The following NUMB variants were observed in gnomAD, a reference collection of about 807,000 sequenced individuals.
NUMB encodes the protein protein numb homolog.
In NUMB, 29 loss-of-function variants were observed where a neutral mutation model predicts 59.7. The ratio of observed to expected loss-of-function variants is 0.49; its 90% CI spans 0.36 to 0.66. The LOEUF is 0.66. Among genes scored for constraint, NUMB ranks in the 30% least tolerant of loss-of-function variants. NUMB has a pLI of 0.00. For synonymous variants in NUMB, 288 were observed against 288.2 expected (o/e 1.00, Z 0.01); for missense variants, 723 against 822.0 (o/e 0.88, Z 1.47).
chr14:73,350,822 C>G (rs1893210590), intron 4 of NUMB, among the ~76,000 whole-genome samples: 1 of 152,094 alleles, frequency 6.6e-6, no homozygotes, highest in Non-Finnish European at 1.5e-5. Context: ...AGCCACCATG[C>G]ACAGCCTAAC....
intron 1 of NUMB, among the ~76,000 whole-genome samples, chr14:73,438,662 A>G (rs902959496): frequency 1.2e-4 from 18 of 151,722 alleles, no homozygotes; most frequent in Non-Finnish European, 1.9e-4. Context: ...GTTTTCAAAT[A>G]ATTGTAATAA....
chr14:73,387,540 C>CG (rs2140091203), intron 2 of NUMB, among the ~76,000 whole-genome samples: 1 of 152,070 alleles, frequency 6.6e-6, no homozygotes, highest in African/African-American at 2.4e-5. Context: ...ATATGAAGGA[C>CG]GTGTTTGCTT....
chr14:73,342,850 C>T (rs1270023206), intron 4 of NUMB, among the ~76,000 whole-genome samples: 1 of 152,056 alleles, frequency 6.6e-6, no homozygotes, highest in African/African-American at 2.4e-5. Flanking sequence ...AAAGTGTATG[C>T]TTTGTTTGCT....
At chr14:73,389,399 T>C (rs868070017) in intron 2 of NUMB, among the ~76,000 whole-genome samples, 1 of 151,666 alleles carries the variant, frequency 6.6e-6, no homozygotes, top group African/African-American at 2.4e-5. Flanking sequence ...GTGGCACCAC[T>C]GCAATCTTTG....
intron 1 of NUMB, among the ~76,000 whole-genome samples, chr14:73,452,576 T>C (rs1445396270): frequency 6.6e-6 from 1 of 152,086 alleles, no homozygotes; most frequent in Non-Finnish European, 1.5e-5. Flanking sequence ...AGGGTTTTCG[T>C]GGGTAGAGAG....
At chr14:73,283,547 A>G (rs1289910399) in intron 10 of NUMB, among the ~76,000 whole-genome samples, 1 of 152,250 alleles carries the variant, frequency 6.6e-6, no homozygotes, top group Non-Finnish European at 1.5e-5. Context: ...CGGTTCTGAA[A>G]GGTAATGAAT....
intron 1 of NUMB, among the ~76,000 whole-genome samples, chr14:73,455,219 A>G (rs1884271676): frequency 6.6e-6 from 1 of 152,224 alleles, no homozygotes; most frequent in African/African-American, 2.4e-5. Context: ...TCACAATTTC[A>G]TAAAACATTA....
intron 2 of NUMB, among the ~76,000 whole-genome samples, chr14:73,389,294 C>CAAAAAAAAAAAAAA (rs202010932): frequency 1.3e-5 from 1 of 77,254 alleles, no homozygotes; most frequent in African/African-American, 5.2e-5. Flanking sequence ...AAAAAAAAAA[C>CAAAAAAAAAAAAAA]AAAAACAAAA....
At chr14:73,293,549 G>A (rs1292532356) in intron 7 of NUMB, among the ~76,000 whole-genome samples, 3 of 151,984 alleles carry the variant, frequency 2.0e-5, no homozygotes, top group East Asian at 3.9e-4. Context: ...GTGCCACCAC[G>A]CCCGGCTAAT....
chr14:73,360,067 A>G (rs908640894), intron 3 of NUMB, among the ~76,000 whole-genome samples: 7 of 152,178 alleles, frequency 4.6e-5, no homozygotes, highest in African/African-American at 1.2e-4. Flanking sequence ...CAGATTAGCC[A>G]CCGTAATCTT....
chr14:73,393,898 T>C (rs1263813283), intron 2 of NUMB, among the ~76,000 whole-genome samples: 1 of 152,224 alleles, frequency 6.6e-6, no homozygotes, highest in East Asian at 1.9e-4. Flanking sequence ...ATACTTTTTT[T>C]GCATAATCTT....
intron 7 of NUMB, among the ~76,000 whole-genome samples, chr14:73,295,141 A>G (rs1889695909): frequency 6.6e-6 from 1 of 151,254 alleles, no homozygotes; most frequent in Non-Finnish European, 1.5e-5. Context: ...TAGCAAGGCA[A>G]TCTGACAGAG....
intron 11 of NUMB, among the ~76,000 whole-genome samples, chr14:73,280,560 T>C (rs1888553893): frequency 6.6e-6 from 1 of 152,046 alleles, no homozygotes; most frequent in South Asian, 2.1e-4. Flanking sequence ...ATACCTATAT[T>C]AGTTTCTTCT....
intron 4 of NUMB, among the ~76,000 whole-genome samples, chr14:73,350,250 T>C (rs569379993): frequency 6.7e-6 from 1 of 148,674 alleles, no homozygotes; most frequent in East Asian, 2.1e-4. Flanking sequence ...CTCAGCTCAC[T>C]GCAACCTCTG....
At chr14:73,292,713 A>T (rs761867211) in intron 8 of NUMB, 21 bp downstream of exon 8, 2 of 1,613,034 alleles carry the variant, frequency 1.2e-6, no homozygotes, top group Non-Finnish European at 1.7e-6. Context: ...TCATCATGAA[A>T]TACATATTTG....
At chr14:73,291,102 A>G (rs1803201132) in intron 8 of NUMB, among the ~76,000 whole-genome samples, 2 of 150,026 alleles carry the variant, frequency 1.3e-5, no homozygotes, top group Admixed American at 1.3e-4. Flanking sequence ...TTTTTTTGAG[A>G]TGGAGTCTTG....
intron 1 of NUMB, among the ~76,000 whole-genome samples, chr14:73,452,617 T>C (rs1401872837): frequency 2.6e-5 from 4 of 152,182 alleles, no homozygotes; most frequent in Admixed American, 2.6e-4. Flanking sequence ...ATTACTAATA[T>C]AGCAACTCCT....
In NUMB at chr14:73,276,890, G is replaced by A; in HGVS notation, c.1644C>T (p.Ala548=). 6.2e-7 allele frequency: 1 copy of A among 1,614,020 alleles called. No homozygotes were observed. Among genetic ancestry groups the A allele is most frequent in the Non-Finnish European group, 8.5e-7 (1 of 1,179,924 alleles). The change falls in exon 13 of 13, where the codon GCC becomes GCT. Residue 548 remains alanine, a synonymous_variant. Transcript: ENST00000555238. ...VFGTAGHPQA[A]HPHQSPSLVR... ...CCAGGCTGGGTGACTGATGGGGATGGGCAGCCTGAGGGTGGCCTGCAGTGC... is the reference window on the plus strand; with the variant it reads ...CCAGGCTGGGTGACTGATGGGGATGAGCAGCCTGAGGGTGGCCTGCAGTGC...
intron 1 of NUMB, among the ~76,000 whole-genome samples, chr14:73,412,078 C>T (rs530047193): frequency 5.9e-5 from 9 of 151,636 alleles, no homozygotes; most frequent in Non-Finnish European, 1.3e-4. Flanking sequence ...ATGCATGCCA[C>T]CATGCCCACC....
Sources: gnomAD v4.1 joint callset for allele counts (sites outside exome capture counted in the v4.1 genomes callset) on GRCh38, gnomAD v4.1.1 for gene constraint, MANE v1.5 for transcripts, NCBI Gene and HGNC (gene_info 2026-07-23, HGNC 2026-07-21) for gene names.